ADAMTSL3: variants seen among roughly 807,000 people sequenced by gnomAD.
ADAMTSL3 encodes ADAMTS like 3.
A neutral mutation model predicts 201.7 loss-of-function variants in ADAMTSL3; 128 were observed. That is an observed-to-expected ratio of 0.63 (90% confidence interval 0.55 to 0.73). The LOEUF (loss-of-function observed/expected upper bound fraction) is 0.73. ADAMTSL3 is among the 30% of genes least tolerant of loss of function. ADAMTSL3 has a pLI of 0.00. For missense variants in ADAMTSL3, 1,990 were observed against 2,119.6 expected (o/e 0.94, Z 1.20); for synonymous variants, 738 against 748.4 (o/e 0.99, Z 0.23).
intron 13 of ADAMTSL3, among the ~76,000 whole-genome samples, chr15:83,896,748 T>C (rs2065623752): frequency 6.6e-6 from 1 of 152,158 alleles, no homozygotes; most frequent in Non-Finnish European, 1.5e-5. Context: ...ATGCAGATTA[T>C]ATTAGTCCAT....
At chr15:83,717,748 C>T (rs1402679330) in intron 3 of ADAMTSL3, among the ~76,000 whole-genome samples, 2 of 151,952 alleles carry the variant, frequency 1.3e-5, no homozygotes, top group African/African-American at 4.8e-5. Context: ...TGGTGGTAAC[C>T]ACATAGAGAA....
intron 7 of ADAMTSL3, among the ~76,000 whole-genome samples, chr15:83,842,379 G>A (rs2064398935): frequency 6.6e-6 from 1 of 151,982 alleles, no homozygotes; most frequent in East Asian, 2.0e-4. Context: ...ACACATGCTG[G>A]AACTTTGGGA....
chr15:84,000,461 A>G (rs559479540), intron 23 of ADAMTSL3, among the ~76,000 whole-genome samples: 2 of 152,172 alleles, frequency 1.3e-5, no homozygotes, highest in Non-Finnish European at 2.9e-5. Flanking sequence ...CCAATCATAG[A>G]TGGTTGGAAA....
intron 2 of ADAMTSL3, among the ~76,000 whole-genome samples, chr15:83,663,553 G>A (rs889089637): frequency 1.3e-5 from 2 of 152,108 alleles, no homozygotes; most frequent in African/African-American, 4.8e-5. Context: ...CTTTCTTAGT[G>A]TACTGTGCTT....
chr15:83,743,461 C>G (rs1035924812), intron 3 of ADAMTSL3, among the ~76,000 whole-genome samples: 3 of 143,530 alleles, frequency 2.1e-5, no homozygotes, highest in Non-Finnish European at 4.5e-5. Context: ...TGCAGTGAGC[C>G]GAGATTGCGC....
At chr15:83,875,364 G>C (rs2065158359) in intron 9 of ADAMTSL3, among the ~76,000 whole-genome samples, 1 of 152,212 alleles carries the variant, frequency 6.6e-6, no homozygotes, top group Admixed American at 6.5e-5. Flanking sequence ...CACTGGCTAG[G>C]AGCATCCCAT....
chr15:83,709,354 A>G (rs1162252370), intron 3 of ADAMTSL3, among the ~76,000 whole-genome samples: 2 of 152,186 alleles, frequency 1.3e-5, no homozygotes, highest in African/African-American at 4.8e-5. Flanking sequence ...TGAAGTAGCT[A>G]GAATGTATTA....
At chr15:83,784,953 T>C (rs2063236469) in intron 4 of ADAMTSL3, among the ~76,000 whole-genome samples, 1 of 152,206 alleles carries the variant, frequency 6.6e-6, no homozygotes, top group African/African-American at 2.4e-5. Flanking sequence ...TCAACACTCA[T>C]TGTCTATCTT....
chr15:83,767,828 T>C (rs907654733), intron 3 of ADAMTSL3, among the ~76,000 whole-genome samples: 3 of 152,248 alleles, frequency 2.0e-5, no homozygotes, highest in Non-Finnish European at 4.4e-5. Flanking sequence ...CAAGTCTGAT[T>C]AGTTGGCTGC....
At chr15:83,843,008 GCA>G (rs1029991005) in intron 7 of ADAMTSL3, among the ~76,000 whole-genome samples, 8 of 152,190 alleles carry the variant, frequency 5.3e-5, no homozygotes, top group African/African-American at 1.9e-4. Context: ...GGAGAAGTGT[GCA>G]GAAGAGGTAC....
intron 3 of ADAMTSL3, among the ~76,000 whole-genome samples, chr15:83,706,936 T>C (rs907573087): frequency 6.6e-6 from 1 of 152,196 alleles, no homozygotes; most frequent in African/African-American, 2.4e-5. Context: ...CCCAAAGCGT[T>C]GGGATTACAG....
chr15:83,825,206 G>A (rs191846312), intron 6 of ADAMTSL3, among the ~76,000 whole-genome samples: 167 of 152,196 alleles, frequency 1.1e-3, no homozygotes, highest in African/African-American at 3.5e-3. Flanking sequence ...TAAGGTTTGG[G>A]CTCTTTGACC....
intron 18 of ADAMTSL3, 26 bp downstream of exon 18, chr15:83,942,814 C>A (rs890376168): frequency 6.8e-6 from 11 of 1,609,382 alleles, no homozygotes; most frequent in African/African-American, 1.3e-5. Flanking sequence ...CACTCCAGGG[C>A]CCTCTGTGAT....
chr15:83,828,950 G>A (rs547579734), intron 6 of ADAMTSL3, among the ~76,000 whole-genome samples: 1 of 152,268 alleles, frequency 6.6e-6, no homozygotes, highest in East Asian at 1.9e-4. Context: ...GAGGATTTCT[G>A]CATCGATGTT....
At chr15:83,891,463 A>G (rs922852290) in intron 12 of ADAMTSL3, 84 bp downstream of exon 12, 8 of 1,140,700 alleles carry the variant, frequency 7.0e-6, no homozygotes, top group East Asian at 2.3e-5. Context: ...CCTAAAATGT[A>G]TGAGGGTTAG....
intron 20 of ADAMTSL3, among the ~76,000 whole-genome samples, chr15:83,971,166 T>C (rs2067187746): frequency 1.3e-5 from 2 of 152,232 alleles, no homozygotes; most frequent in African/African-American, 4.8e-5. Context: ...ATATTATGGC[T>C]TCATTATAGC....
intron 15 of ADAMTSL3, among the ~76,000 whole-genome samples, chr15:83,906,776 A>G (rs940934): frequency 0.63 from 95,212 of 151,706 alleles, 30,954 homozygotes; most frequent in African/African-American, 0.79. Flanking sequence ...AAATATGATA[A>G]TTTTGTCTAT....
chr15:83,844,926 C>T (rs1049845099), intron 7 of ADAMTSL3, among the ~76,000 whole-genome samples: 4 of 152,236 alleles, frequency 2.6e-5, no homozygotes, highest in African/African-American at 9.6e-5. Flanking sequence ...GCCTTTAAAG[C>T]CTGTATCATC....
intron 3 of ADAMTSL3, among the ~76,000 whole-genome samples, chr15:83,742,117 A>G (rs1166442024): frequency 2.0e-5 from 3 of 152,236 alleles, no homozygotes; most frequent in Non-Finnish European, 4.4e-5. Flanking sequence ...TAAATTTCTC[A>G]TATAAGAGAT....
Sources: allele counts gnomAD v4.1 joint callset (sites outside exome capture counted in the v4.1 genomes callset), GRCh38; gene constraint gnomAD v4.1.1; transcripts MANE v1.5; gene names NCBI Gene and HGNC (gene_info 2026-07-23, HGNC 2026-07-21).